Variants in LIPI observed in about 807,000 individuals in gnomAD.
LIPI encodes lipase I.
In LIPI, 59 loss-of-function variants were observed where a neutral mutation model predicts 50.6. That is an observed-to-expected ratio of 1.16 (90% CI 0.94 to 1.45). The LOEUF is 1.45. Among genes scored for constraint, LIPI ranks in the 40% most tolerant of loss-of-function variants. The pLI is 0.00. For missense variants in LIPI, 586 were observed against 536.3 expected, an observed-to-expected ratio of 1.09 and a Z score of -0.92; for synonymous variants, 203 against 178.2, an observed-to-expected ratio of 1.14 and a Z score of -1.11.
At chr21:14,178,311 G>C (rs1213239754) in intron 4 of LIPI, among the ~76,000 whole-genome samples, 10 of 151,948 alleles carry the variant, frequency 6.6e-5, no homozygotes, top group Admixed American at 4.6e-4. Flanking sequence ...TTTTATTCCA[G>C]AATTCTAACA....
At chr21:14,163,243 C>T (rs1568859672) in intron 7 of LIPI, among the ~76,000 whole-genome samples, 176 bp downstream of exon 7, 1 of 151,794 alleles carries the variant, frequency 6.6e-6, no homozygotes, top group East Asian at 1.9e-4. Context: ...TCCATTTTAT[C>T]TAAAAAAAGA....
intron 8 of LIPI, among the ~76,000 whole-genome samples, chr21:14,150,443 C>T (rs1342159460): frequency 6.6e-6 from 1 of 152,130 alleles, no homozygotes; most frequent in Non-Finnish European, 1.5e-5. Context: ...TTTTATAAAA[C>T]ATTTTACTAA....
At chr21:14,201,192 TA>T (rs2020040479) in intron 1 of LIPI, among the ~76,000 whole-genome samples, 1 of 152,094 alleles carries the variant, frequency 6.6e-6, no homozygotes, top group Non-Finnish European at 1.5e-5. Flanking sequence ...ATTCAGAACA[TA>T]GACACAGGCT....
intron 4 of LIPI, among the ~76,000 whole-genome samples, chr21:14,170,368 G>A (rs1466788015): frequency 3.3e-5 from 5 of 152,052 alleles, no homozygotes; most frequent in African/African-American, 1.2e-4. Context: ...ATTTTATGAG[G>A]CCAGCATCAT....
At chr21:14,180,181 C>A (rs572489330) in intron 4 of LIPI, among the ~76,000 whole-genome samples, 1 of 152,120 alleles carries the variant, frequency 6.6e-6, no homozygotes, top group Non-Finnish European at 1.5e-5. Context: ...GCCCTGGTAA[C>A]TTGTGGTTGG....
intron 1 of LIPI, among the ~76,000 whole-genome samples, chr21:14,209,109 T>G (rs1181184682): frequency 1.3e-5 from 2 of 152,168 alleles, no homozygotes; most frequent in East Asian, 3.8e-4. Context: ...AAAATTTCAG[T>G]GTAAATGGTT....
chr21:14,140,143 A>G (rs11700849), intron 9 of LIPI, among the ~76,000 whole-genome samples: 22,416 of 152,184 alleles, frequency 0.15, 1,987 homozygotes, highest in South Asian at 0.22. Flanking sequence ...AGCTAAAAGC[A>G]AGAGAACACT....
At chr21:14,144,596 G>T (rs201820244) in intron 9 of LIPI, 27 bp downstream of exon 9, 19 of 1,266,748 alleles carry the variant, frequency 1.5e-5, no homozygotes, top group Middle Eastern at 2.1e-4. Context: ...AAGATAACAT[G>T]TTGAAATCAA....
intron 9 of LIPI, among the ~76,000 whole-genome samples, chr21:14,122,460 T>C (rs11701216): frequency 0.13 from 20,439 of 152,222 alleles, 1,823 homozygotes; most frequent in South Asian, 0.21. Flanking sequence ...GGGTATTACC[T>C]TATTCACATA....
At chr21:14,152,798 T>C (rs2018145708) in intron 7 of LIPI, 114 bp from the exon 8 acceptor site, 1 of 583,164 alleles carries the variant, frequency 1.7e-6, no homozygotes. Flanking sequence ...TCTAGGCTCA[T>C]ATTACATATG....
chr21:14,200,034 C>T (rs2019997495), intron 1 of LIPI, among the ~76,000 whole-genome samples: 1 of 151,914 alleles, frequency 6.6e-6, no homozygotes, highest in Non-Finnish European at 1.5e-5. Context: ...CAGAAAAGGC[C>T]TTCAGTAAAA....
chr21:14,121,069 C>T (rs1002120455), intron 9 of LIPI, among the ~76,000 whole-genome samples: 1 of 152,174 alleles, frequency 6.6e-6, no homozygotes, highest in Non-Finnish European at 1.5e-5. Context: ...TGCACCTTTT[C>T]AGGGTGGATC....
intron 4 of LIPI, among the ~76,000 whole-genome samples, chr21:14,178,029 G>C (rs1038818547): frequency 2.0e-5 from 3 of 152,088 alleles, no homozygotes; most frequent in African/African-American, 7.2e-5. Context: ...CAATCATTCT[G>C]TTGTTTCCTA....
intron 4 of LIPI, among the ~76,000 whole-genome samples, chr21:14,171,813 C>T (rs192221509): frequency 0.14 from 21,091 of 151,136 alleles, 1,900 homozygotes; most frequent in Non-Finnish European, 0.2. Flanking sequence ...TGGGCAAGGA[C>T]TTCATGTCTA....
At chr21:14,141,386 GTT>G (rs34169754) in intron 9 of LIPI, among the ~76,000 whole-genome samples, 81,113 of 149,768 alleles carry the variant, frequency 0.54, 22,906 homozygotes, top group East Asian at 0.87. Context: ...AACTTTAGTT[GTT>G]TTTTTTTTTT....
chr21:14,192,713 T>C (rs2019718458), intron 1 of LIPI, among the ~76,000 whole-genome samples: 1 of 152,168 alleles, frequency 6.6e-6, no homozygotes. Context: ...TTTTAAATGT[T>C]GAAAGAAAAA....
chr21:14,179,564 C>A (rs991410523), intron 4 of LIPI, among the ~76,000 whole-genome samples: 1 of 152,070 alleles, frequency 6.6e-6, no homozygotes, highest in Non-Finnish European at 1.5e-5. Flanking sequence ...AGGCCATAGG[C>A]AGAATTGAAG....
At chr21:14,202,576 A>ATGG (rs1310550198) in intron 1 of LIPI, among the ~76,000 whole-genome samples, 1 of 152,160 alleles carries the variant, frequency 6.6e-6, no homozygotes, top group Non-Finnish European at 1.5e-5. Context: ...AAAACAAGAA[A>ATGG]TGGGGAAAGG....
At chr21:14,151,821 T>C (rs940952933) in intron 8 of LIPI, among the ~76,000 whole-genome samples, 1 of 152,056 alleles carries the variant, frequency 6.6e-6, no homozygotes, top group Non-Finnish European at 1.5e-5. Context: ...CATATGTACA[T>C]ACATAAAAAG....
Sources: gnomAD v4.1 joint callset for allele counts (sites outside exome capture counted in the v4.1 genomes callset) on GRCh38, gnomAD v4.1.1 for gene constraint, MANE v1.5 for transcripts, NCBI Gene and HGNC (gene_info 2026-07-23, HGNC 2026-07-21) for gene names.